The following ENAH variants were observed in gnomAD, a reference collection of about 807,000 sequenced individuals.
ENAH encodes ENAH actin regulator.
ENAH carries 23 observed loss-of-function variants against 78.7 expected under a neutral mutation model. That is an observed-to-expected ratio of 0.29 (90% CI 0.21 to 0.41). The LOEUF (loss-of-function observed/expected upper bound fraction) is 0.41. Ranked by LOEUF, ENAH falls within the 10% of genes least tolerant of loss-of-function variation. ENAH has a pLI of 1.00. For synonymous variants in ENAH, 226 were observed against 241.0 expected (o/e 0.94, Z 0.58); for missense variants, 544 against 691.0 (o/e 0.79, Z 2.39).
At chr1:225,618,545 C>T (rs1380282253) in intron 1 of ENAH, among the ~76,000 whole-genome samples, 1 of 152,172 alleles carries the variant, frequency 6.6e-6, no homozygotes. Context: ...TTCATATTCA[C>T]TAATACGTAG....
At chr1:225,531,123 A>C in intron 3 of ENAH, 1 of 398,196 alleles carries the variant, frequency 2.5e-6, no homozygotes, top group East Asian at 3.6e-5. Context: ...AGTATGCTAA[A>C]GCATTTATCA....
rs903775285 is a variant in ENAH at position 225,501,290 on chromosome 1, G to A, written c.1539-220C>T. 9 of 458,098 alleles carry A rather than the reference G, an allele frequency of 2.0e-5. No homozygotes were observed. In the Admixed American group the frequency reaches 3.5e-4, roughly 18 times the overall value. 28.4% of individuals were successfully genotyped at this position (458,098 alleles called of 1,614,324 possible). A position where few individuals can be genotyped will look rare whatever the true frequency, so the allele number is the denominator to read the frequency against. ...CTTATTTATAAAGGAACTAGAAAAA[G>A]GTGACAAGATGGTGAGACTTCTTCA... On this transcript the variant is annotated intron_variant, in intron 11 of 13. Transcript: ENST00000366843.
At position 225,593,389 on chromosome 1, in the gene ENAH, C is replaced by CTGTGTGTGTG. The variant is rs1222265738; in HGVS notation, c.6-25985_6-25976dup. ...TATGCTTGCACACTGCAGCCTGCCC[C>CTGTGTGTGTG]TGTGTGTGTGTGGGGGGGGGGGGGG... On this transcript the variant is annotated intron_variant, in intron 1 of 13. Transcript: ENST00000366843. Among the ~76,000 whole-genome samples, 6 of 20,040 alleles carry CTGTGTGTGTG rather than the reference C, an allele frequency of 3.0e-4. 1 individual carries two copies. The highest frequency in any genetic ancestry group is 1.2e-3 in the African/African-American group (5 of 4,176). 13.1% of individuals were successfully genotyped at this position (20,040 alleles called of 152,430 possible).
intron 1 of ENAH, among the ~76,000 whole-genome samples, chr1:225,594,531 C>T (rs17562010): frequency 0.043 from 6,499 of 152,252 alleles, 226 homozygotes; most frequent in South Asian, 0.1. Context: ...CGCCACAGAA[C>T]TGCAGGGATA....
chr1:225,523,377 G>A (rs189545925), intron 4 of ENAH, among the ~76,000 whole-genome samples: 4 of 151,664 alleles, frequency 2.6e-5, no homozygotes, highest in African/African-American at 9.7e-5. Context: ...TTACAGCTAG[G>A]TTGTATTGAC....
rs555152998 is a variant in ENAH at position 225,577,209 on chromosome 1, A to G, written c.6-9795T>C. Among the ~76,000 whole-genome samples, 3 of 152,340 alleles carry G rather than the reference A, an allele frequency of 2.0e-5. No individual in the cohort carries two copies. The South Asian group carries it at 6.2e-4, about 32-fold the overall frequency. On this transcript the variant is annotated intron_variant, in intron 1 of 13. Coordinates refer to ENST00000366843, the MANE Select transcript of ENAH (RefSeq NM_018212.6). ...AAAGTTATATGTCATTTTTAAGGAT[A>G]CCAAACTTGATTTCAACTAACTAAC...
intron 10 of ENAH, among the ~76,000 whole-genome samples, chr1:225,510,422 G>A (rs1203160934): frequency 3.3e-5 from 5 of 152,044 alleles, no homozygotes; most frequent in African/African-American, 9.6e-5. Context: ...AATATGGTTC[G>A]GATTTACAAC....
intron 3 of ENAH, among the ~76,000 whole-genome samples, chr1:225,542,312 C>T (rs879267523): frequency 1.3e-5 from 2 of 152,350 alleles, no homozygotes; most frequent in Admixed American, 1.3e-4. Context: ...AACACCAGAG[C>T]TGGTTGAGAG....
chr1:225,652,756 G>T lies in ENAH; in HGVS notation c.-66C>A. The T allele has an allele frequency of 1.6e-6, 2 of 1,283,198 alleles. No individual in the cohort carries two copies. Among genetic ancestry groups the T allele is most frequent in the South Asian group, 2.4e-5 (1 of 41,460 alleles). The allele number at this position is 1,283,198 out of a possible 1,614,324, so 79.5% of individuals were successfully genotyped here. On this transcript the variant is annotated 5_prime_UTR_variant, in exon 1 of 14. Coordinates refer to ENST00000366843, the MANE Select transcript of ENAH (RefSeq NM_018212.6). ...GCAGAAGGCGCCGAGCCGAGGGGGG[G>T]GTCTCTCCTCCAGGGGTGGGGAGCA...
At chr1:225,508,177 A>G (rs528130313) in intron 10 of ENAH, among the ~76,000 whole-genome samples, 160 bp from the exon 11 acceptor site, 60 of 152,260 alleles carry the variant, frequency 3.9e-4, no homozygotes, top group Middle Eastern at 3.4e-3. Context: ...TAAGGACTCT[A>G]ATTTGCACAA....
chr1:225,651,632 T>C (rs368567152), intron 1 of ENAH, among the ~76,000 whole-genome samples: 7 of 152,252 alleles, frequency 4.6e-5, no homozygotes, highest in East Asian at 1.9e-4. Flanking sequence ...ATGGAGTAAT[T>C]TACTTTATCC....
Position 225,503,668 on chromosome 1 carries a change from A to AAAC in ENAH, c.1539-2599_1539-2598insGTT, listed in dbSNP as rs1218298794. Reference sequence around the variant, plus strand: ...CAAAACAAACCACCTCAAAAAAAAAAAAAAAAAAAACACAAAACTATTTCA... The same window carrying AAAC: ...CAAAACAAACCACCTCAAAAAAAAAAAACAAAAAAAAAACACAAAACTATTTCA... On this transcript the variant is annotated intron_variant, in intron 11 of 13. Coordinates refer to ENST00000366843, the MANE Select transcript of ENAH (RefSeq NM_018212.6). Among the ~76,000 whole-genome samples, 44 of 150,076 alleles carry AAAC rather than the reference A, an allele frequency of 2.9e-4. 1 individual carries two copies. In the South Asian group the frequency reaches 9.5e-3, roughly 32 times the overall value.
chr1:225,630,998 C>T (rs1658912173), intron 1 of ENAH, among the ~76,000 whole-genome samples: 1 of 152,184 alleles, frequency 6.6e-6, no homozygotes, highest in Non-Finnish European at 1.5e-5. Flanking sequence ...TACAGAAAGA[C>T]TTCACCGACC....
At chr1:225,618,478 C>T (rs1015882262) in intron 1 of ENAH, among the ~76,000 whole-genome samples, 2 of 152,014 alleles carry the variant, frequency 1.3e-5, no homozygotes, top group Admixed American at 6.6e-5. Context: ...CAAGATAGTA[C>T]AGCACAGAAA....
At chr1:225,525,123 A>AT (rs1491433841) in intron 4 of ENAH, among the ~76,000 whole-genome samples, 1 of 151,988 alleles carries the variant, frequency 6.6e-6, no homozygotes, top group African/African-American at 2.4e-5. Flanking sequence ...TACTTATCAC[A>AT]TGTTTCTAAA....
intron 1 of ENAH, among the ~76,000 whole-genome samples, chr1:225,608,637 G>A (rs1025185504): frequency 4.0e-4 from 61 of 151,608 alleles, no homozygotes; most frequent in Non-Finnish European, 4.6e-4. Flanking sequence ...TCAACATGGC[G>A]AAACCCCGTC....
intron 3 of ENAH, among the ~76,000 whole-genome samples, chr1:225,534,676 T>A (rs1322349239): frequency 6.6e-6 from 1 of 152,022 alleles, no homozygotes; most frequent in East Asian, 1.9e-4. Flanking sequence ...TACACATGAA[T>A]CAAAAAGGCA....
At chr1:225,615,038 GTCTCCC>G (rs72200596) in intron 1 of ENAH, among the ~76,000 whole-genome samples, 55,967 of 149,820 alleles carry the variant, frequency 0.37, 11,200 homozygotes, top group South Asian at 0.54. Context: ...CCTCTCCCCG[GTCTCCC>G]TCTCCCTCTC....
chr1:225,488,562 G>A lies in ENAH; in HGVS notation c.*9213C>T, dbSNP rs2096209375. 6.6e-6 allele frequency: 1 copy of A among 152,064 alleles called. No individual in the cohort carries two copies. Among genetic ancestry groups the A allele is most frequent in the African/African-American group, 2.4e-5 (1 of 41,398 alleles). 9.4% of individuals were successfully genotyped at this position (152,064 alleles called of 1,614,324 possible). A position where few individuals can be genotyped will look rare whatever the true frequency, so the allele number is the denominator to read the frequency against. ...GCAAATATGTAAGTACTGTCATTGA[G>A]GATTACAGAAATACTTTGCATCAAC... On this transcript the variant is annotated 3_prime_UTR_variant, in exon 14 of 14. Coordinates refer to ENST00000366843, the MANE Select transcript of ENAH (RefSeq NM_018212.6).
Sources: gnomAD v4.1 joint callset for allele counts (sites outside exome capture counted in the v4.1 genomes callset) on GRCh38, gnomAD v4.1.1 for gene constraint, MANE v1.5 for transcripts, NCBI Gene and HGNC (gene_info 2026-07-23, HGNC 2026-07-21) for gene names.